C12orf42: variants seen among roughly 807,000 people sequenced by gnomAD.
C12orf42 encodes chromosome 12 open reading frame 42.
In C12orf42, 25 loss-of-function variants were observed where a neutral mutation model predicts 21.6. The observed-to-expected ratio is 1.16, with a 90% CI of 0.84 to 1.62. The LOEUF (loss-of-function observed/expected upper bound fraction) is 1.62, where lower values mean the gene tolerates loss of function less well. C12orf42 is among the 40% of genes most tolerant of loss of function. The pLI is 0.00. For synonymous variants in C12orf42, 174 were observed against 175.0 expected (o/e 0.99, Z 0.05); for missense variants, 483 against 459.3 (o/e 1.05, Z -0.47).
chr12:103,480,517 T>G (rs1003349074), intron 1 of C12orf42, among the ~76,000 whole-genome samples: 2 of 151,622 alleles, frequency 1.3e-5, no homozygotes, highest in African/African-American at 4.8e-5. Flanking sequence ...CTGCTATTCT[T>G]GTGTTTTTAA....
chr12:103,230,938 C>T, the C12orf42 span, among the ~76,000 whole-genome samples: 5 of 152,154 alleles, frequency 3.3e-5, no homozygotes, highest in East Asian at 9.6e-4. Flanking sequence ...CAAGGCTCTG[C>T]TCTAGCTATA....
chr12:103,352,185 C>A (rs574354908), intron 4 of C12orf42, among the ~76,000 whole-genome samples: 1 of 152,132 alleles, frequency 6.6e-6, no homozygotes, highest in African/African-American at 2.4e-5. Flanking sequence ...TTGCCCTGAT[C>A]TGCCTAAGAA....
the C12orf42 span, among the ~76,000 whole-genome samples, chr12:103,121,489 G>T: frequency 1.3e-5 from 2 of 152,198 alleles, no homozygotes; most frequent in African/African-American, 4.8e-5. Flanking sequence ...AATCAAATTG[G>T]AGTGTCCTTA....
At chr12:103,164,770 T>C in the C12orf42 span, 1 of 451,440 alleles carries the variant, frequency 2.2e-6, no homozygotes, top group Non-Finnish European at 4.5e-6. Context: ...AAGAGTAGGC[T>C]TTGATTCTGT....
At chr12:103,218,092 C>A in the C12orf42 span, among the ~76,000 whole-genome samples, 2 of 152,006 alleles carry the variant, frequency 1.3e-5, no homozygotes, top group Admixed American at 6.6e-5. Flanking sequence ...ACTATCCTGG[C>A]CAACATGGCA....
intron 4 of C12orf42, among the ~76,000 whole-genome samples, chr12:103,307,885 C>T (rs1325382058): frequency 6.6e-6 from 1 of 152,082 alleles, no homozygotes; most frequent in African/African-American, 2.4e-5. Flanking sequence ...ATTCATTTGC[C>T]TTTATCTTAT....
At chr12:103,305,823 T>A (rs1641822636) in intron 5 of C12orf42, 151 bp downstream of exon 5, 3 of 975,864 alleles carry the variant, frequency 3.1e-6, no homozygotes. Context: ...ACAAGCAGAC[T>A]TTCATTGAAG....
chr12:103,302,248 G>T lies in C12orf42; in HGVS notation c.943C>A (p.Leu315Met), dbSNP rs765256333. 8 of 1,611,994 alleles carry T rather than the reference G, an allele frequency of 5.0e-6. No homozygotes were observed. The highest frequency in any genetic ancestry group is 2.2e-5 in the East Asian group (1 of 44,858). The change falls in exon 6 of 6, where the codon CTG (leucine) becomes ATG (methionine). Residue 315 changes from leucine to methionine, a missense_variant. Coordinates refer to ENST00000548883, the MANE Select transcript of C12orf42 (RefSeq NM_198521.5). ...GNLAGAPLPL[L>M]AGASTHFPSK... ...GGGAAATGGGTGGAAGCACCGGCCA[G>T]CAGAGGAAGGGGCGCTCCTGCCAGA...
the C12orf42 span, among the ~76,000 whole-genome samples, chr12:103,546,176 C>T: frequency 2.1e-3 from 325 of 152,238 alleles, 1 homozygote; most frequent in Non-Finnish European, 3.8e-3. Flanking sequence ...AACTGGTGAC[C>T]ACATAGCCAA....
chr12:103,504,870 T>C, the C12orf42 span: 278 of 161,512 alleles, frequency 1.7e-3, 1 homozygote, highest in East Asian at 0.014. Context: ...AGGGTACACA[T>C]GACATGCGCA....
intron 2 of C12orf42, among the ~76,000 whole-genome samples, chr12:103,405,689 T>C (rs2374066): frequency 0.2 from 30,850 of 152,080 alleles, 3,890 homozygotes; most frequent in East Asian, 0.35. Flanking sequence ...TCAACTATGC[T>C]GAAAGCAAAT....
the C12orf42 span, among the ~76,000 whole-genome samples, chr12:103,508,051 T>C: frequency 2.6e-5 from 4 of 152,168 alleles, no homozygotes; most frequent in African/African-American, 7.2e-5. Flanking sequence ...CATTTCCAAA[T>C]GTTATCCATA....
intron 10 of C12orf42, among the ~76,000 whole-genome samples, chr12:103,250,091 CT>C (rs201569173): frequency 7.0e-6 from 1 of 142,448 alleles, no homozygotes; most frequent in East Asian, 2.0e-4. Flanking sequence ...ATCTATCTAT[CT>C]ATCTATCTAT....
the C12orf42 span, among the ~76,000 whole-genome samples, chr12:103,551,330 CTG>C: frequency 6.6e-6 from 1 of 152,048 alleles, no homozygotes; most frequent in South Asian, 2.1e-4. Flanking sequence ...ATATTTATAA[CTG>C]TTTATTCTTT....
At chr12:103,277,725 T>C (rs970575737) in intron 4 of C12orf42, among the ~76,000 whole-genome samples, 1 of 151,978 alleles carries the variant, frequency 6.6e-6, no homozygotes, top group African/African-American at 2.4e-5. Context: ...GTTCACGCCA[T>C]TCTCCTGCCT....
At chr12:103,172,419 A>G in the C12orf42 span, among the ~76,000 whole-genome samples, 1 of 152,122 alleles carries the variant, frequency 6.6e-6, no homozygotes, top group Non-Finnish European at 1.5e-5. Context: ...AGCAATTATA[A>G]TATTTTTATA....
At chr12:103,124,242 G>A in the C12orf42 span, among the ~76,000 whole-genome samples, 1 of 137,280 alleles carries the variant, frequency 7.3e-6, no homozygotes, top group Non-Finnish European at 1.5e-5. Context: ...TCCTTTAGAG[G>A]TCTGTTCCAT....
the C12orf42 span, among the ~76,000 whole-genome samples, chr12:103,187,630 TA>T: frequency 6.6e-6 from 1 of 152,222 alleles, no homozygotes; most frequent in Admixed American, 6.5e-5. Flanking sequence ...GGCTGAATAA[TA>T]ATTGGCATTT....
chr12:103,048,721 A>G, the C12orf42 span, among the ~76,000 whole-genome samples: 2 of 152,186 alleles, frequency 1.3e-5, no homozygotes, highest in Admixed American at 6.5e-5. Context: ...CAGAAATAAA[A>G]TAAAGGTCCC....
Sources: allele counts gnomAD v4.1 joint callset (sites outside exome capture counted in the v4.1 genomes callset), GRCh38; gene constraint gnomAD v4.1.1; transcripts MANE v1.5; gene names NCBI Gene and HGNC (gene_info 2026-07-23, HGNC 2026-07-21).